PTPRN2: variants seen among roughly 807,000 people sequenced by gnomAD.
The protein encoded by PTPRN2 is protein tyrosine phosphatase receptor type N2.
A neutral mutation model predicts 118.8 loss-of-function variants in PTPRN2; 74 were observed. The ratio of observed to expected loss-of-function variants is 0.62; its 90% CI spans 0.52 to 0.76. PTPRN2 has a LOEUF of 0.76. Ranked by LOEUF, PTPRN2 falls within the 30% of genes least tolerant of loss-of-function variation. PTPRN2 has a pLI of 0.00. For synonymous variants in PTPRN2, 641 were observed against 608.0 expected (o/e 1.05, Z -0.80); for missense variants, 1,481 against 1,394.4 (o/e 1.06, Z -0.99).
At chr7:158,488,730 G>A (rs1221719694) in intron 2 of PTPRN2, among the ~76,000 whole-genome samples, 1 of 152,266 alleles carries the variant, frequency 6.6e-6, no homozygotes, top group Admixed American at 6.5e-5. Context: ...AGGGGCCTCT[G>A]GGCAGGCCCC....
chr7:157,802,762 G>A (rs1434570798), intron 12 of PTPRN2, among the ~76,000 whole-genome samples: 1 of 152,166 alleles, frequency 6.6e-6, no homozygotes, highest in African/African-American at 2.4e-5. Flanking sequence ...GCCTCCTGAT[G>A]GGTACAGAGA....
At chr7:157,851,986 T>C (rs969663999) in intron 12 of PTPRN2, among the ~76,000 whole-genome samples, 1 of 152,230 alleles carries the variant, frequency 6.6e-6, no homozygotes, top group South Asian at 2.1e-4. Context: ...GTTACTCAAA[T>C]AACCACCCGC....
chr7:158,550,354 C>A (rs2129450125), intron 1 of PTPRN2, among the ~76,000 whole-genome samples: 1 of 152,354 alleles, frequency 6.6e-6, no homozygotes, highest in Non-Finnish European at 1.5e-5. Context: ...AGATGGAGGG[C>A]AGCAGGACGC....
chr7:158,002,198 A>G (rs1320054497), intron 11 of PTPRN2, among the ~76,000 whole-genome samples: 1 of 152,140 alleles, frequency 6.6e-6, no homozygotes, highest in East Asian at 1.9e-4. Flanking sequence ...CCCCCGCGGG[A>G]AACACGGCGT....
chr7:157,840,856 A>G (rs138128318), intron 12 of PTPRN2, among the ~76,000 whole-genome samples: 1,684 of 152,342 alleles, frequency 0.011, 17 homozygotes, highest in Non-Finnish European at 0.018. Context: ...AGGAGCCAGA[A>G]GTGTTTCTTC....
rs181016142 is a variant in PTPRN2, at chr7:157,992,932, G to A, written c.1723+88366C>T. Among the ~76,000 whole-genome samples the A allele has an allele frequency of 5.1e-4, 78 of 152,376 alleles. 2 individuals are homozygous for A. Among genetic ancestry groups the A allele is most frequent in the Admixed American group, 3.9e-3 (59 of 15,312 alleles). ...CACACAGACGCCAGGAGACAGACGCGTGGCGGCCGGGTCACTCCCAGTGGG... is the reference window on the plus strand; with the variant it reads ...CACACAGACGCCAGGAGACAGACGCATGGCGGCCGGGTCACTCCCAGTGGG... On this transcript the variant is annotated intron_variant, in intron 11 of 22. Coordinates refer to ENST00000389418, the MANE Select transcript of PTPRN2 (RefSeq NM_002847.5).
rs977984088 is a variant in PTPRN2 at position 157,986,323 on chromosome 7, C to A, written c.1724-87586G>T. 2.6e-5 allele frequency among the ~76,000 whole-genome samples: 4 copies of A among 152,208 alleles called. No homozygotes were observed. The highest frequency in any genetic ancestry group is 9.6e-5 in the African/African-American group (4 of 41,454). On this transcript the variant is annotated intron_variant, in intron 11 of 22. Coordinates refer to ENST00000389418, the MANE Select transcript of PTPRN2 (RefSeq NM_002847.5). This position sits in a 1 kb window ranked among gnomAD's most constrained non-coding sequence, Gnocchi z 4.5. Reference sequence around the variant, plus strand: ...AAGCGGATGAGGCTTCGCTTTAGGACCATGGACTCTGGCGGCAGATAATGG... The same window carrying A: ...AAGCGGATGAGGCTTCGCTTTAGGAACATGGACTCTGGCGGCAGATAATGG...
intron 11 of PTPRN2, among the ~76,000 whole-genome samples, chr7:158,072,011 C>G (rs375373517): frequency 7.1e-5 from 6 of 84,692 alleles, no homozygotes; most frequent in African/African-American, 1.5e-4. Flanking sequence ...AGGTGCTCGT[C>G]GTATGGAGGT....
At chr7:158,054,016 C>T (rs112510366) in intron 11 of PTPRN2, among the ~76,000 whole-genome samples, 1,354 of 119,934 alleles carry the variant, frequency 0.011, 50 homozygotes, top group African/African-American at 0.048. Context: ...ACCCTAGAGA[C>T]GCAGAGACTC....
rs868199192 is a variant in PTPRN2 at position 158,071,427 on chromosome 7, G to A, written c.1723+9871C>T. Among the ~76,000 whole-genome samples, 121 of 85,300 alleles carry A rather than the reference G, an allele frequency of 1.4e-3. 1 individual carries two copies. Among genetic ancestry groups the A allele is most frequent in the Non-Finnish European group, 2.5e-3 (92 of 37,300 alleles). The allele number at this position is 85,300 out of a possible 152,430, so 56.0% of individuals were successfully genotyped here. On this transcript the variant is annotated intron_variant, in intron 11 of 22. Coordinates refer to ENST00000389418, the MANE Select transcript of PTPRN2 (RefSeq NM_002847.5). ...GGTGGAGTTGCTCCTGGTGGTGGAG[G>A]TGCTCGTGGTGGTGGAGGTGCTCGT...
intron 3 of PTPRN2, among the ~76,000 whole-genome samples, chr7:158,288,934 T>C (rs990245659): frequency 6.6e-6 from 1 of 152,198 alleles, no homozygotes; most frequent in Non-Finnish European, 1.5e-5. Flanking sequence ...GAAGAACAGC[T>C]TTGCCAAGTA....
intron 22 of PTPRN2, among the ~76,000 whole-genome samples, chr7:157,548,144 A>G (rs1387548122): frequency 1.3e-5 from 2 of 152,150 alleles, no homozygotes; most frequent in African/African-American, 4.8e-5. Context: ...TTAACCTGGG[A>G]GGTGGAGGTT....
chr7:158,253,329 C>T (rs774084449), intron 3 of PTPRN2, among the ~76,000 whole-genome samples: 3 of 151,806 alleles, frequency 2.0e-5, no homozygotes, highest in Non-Finnish European at 4.4e-5. Flanking sequence ...GCCAGCACAG[C>T]GGGCGGGGCT....
At chr7:158,148,972 C>G (rs1820541458) in intron 6 of PTPRN2, among the ~76,000 whole-genome samples, 1 of 124,404 alleles carries the variant, frequency 8.0e-6, no homozygotes. Context: ...CCTTCAATGA[C>G]ACCCCATCTC....
At chr7:157,714,338 A>G (rs575039573) in intron 12 of PTPRN2, among the ~76,000 whole-genome samples, 2 of 152,280 alleles carry the variant, frequency 1.3e-5, no homozygotes, top group South Asian at 2.1e-4. Context: ...GTGGGGTGGC[A>G]CCTGACCCAG....
chr7:158,345,381 C>T (rs1260358926), intron 2 of PTPRN2, among the ~76,000 whole-genome samples: 3 of 152,202 alleles, frequency 2.0e-5, no homozygotes, highest in Admixed American at 2.0e-4. Flanking sequence ...ACAGCGTGTT[C>T]TTATAGGAGG....
chr7:157,736,183 C>T (rs1800287025), intron 12 of PTPRN2, among the ~76,000 whole-genome samples: 1 of 152,234 alleles, frequency 6.6e-6, no homozygotes, highest in African/African-American at 2.4e-5. Context: ...CCCTTTCCCA[C>T]CACCATTCAA....
chr7:157,952,338 G>A (rs1203243280), intron 11 of PTPRN2, among the ~76,000 whole-genome samples: 1 of 150,618 alleles, frequency 6.6e-6, no homozygotes, highest in Non-Finnish European at 1.5e-5. Flanking sequence ...CTGAGACAGG[G>A]TGGGGGACAC....
At chr7:158,209,600 G>A (rs1447089896) in intron 3 of PTPRN2, among the ~76,000 whole-genome samples, 1 of 152,192 alleles carries the variant, frequency 6.6e-6, no homozygotes, top group Non-Finnish European at 1.5e-5. Context: ...AGTAACAGCT[G>A]AAGACTTCCA....
Sources: gnomAD v4.1 joint callset for allele counts (sites outside exome capture counted in the v4.1 genomes callset) on GRCh38, gnomAD v4.1.1 for gene constraint, Gnocchi (gnomAD v3.1) non-coding constraint, MANE v1.5 for transcripts, NCBI Gene and HGNC (gene_info 2026-07-23, HGNC 2026-07-21) for gene names.